CCDC92B: variants seen among roughly 807,000 people sequenced by gnomAD.
CCDC92B encodes the protein coiled-coil domain-containing 92B.
A neutral mutation model predicts 5.6 loss-of-function variants in CCDC92B; 2 were observed. The observed-to-expected ratio is 0.36, with a 90% CI of 0.15 to 1.12. The LOEUF (loss-of-function observed/expected upper bound fraction) is 1.12. Among genes scored for constraint, CCDC92B ranks in the 50% most tolerant of loss-of-function variants. The pLI, the probability that CCDC92B is intolerant of heterozygous loss-of-function variation, is 0.40. For missense variants in CCDC92B, 271 were observed against 262.2 expected (o/e 1.03, Z -0.23); for synonymous variants, 115 against 122.3 (o/e 0.94, Z 0.39).
intron 2 of CCDC92B, among the ~76,000 whole-genome samples, chr17:2,731,893 T>C (rs2070798261): frequency 6.6e-6 from 1 of 152,224 alleles, no homozygotes; most frequent in African/African-American, 2.4e-5. Flanking sequence ...CTTCAGCCTT[T>C]CAACACAGGA....
At chr17:2,746,726 A>C (rs2070991125) in intron 1 of CCDC92B, among the ~76,000 whole-genome samples, 2 of 152,078 alleles carry the variant, frequency 1.3e-5, no homozygotes, top group African/African-American at 4.8e-5. Flanking sequence ...GCTGGAGTGC[A>C]GTGGCTCGAT....
intron 1 of CCDC92B, among the ~76,000 whole-genome samples, chr17:2,735,890 G>T (rs1386522439): frequency 6.6e-6 from 1 of 152,150 alleles, no homozygotes; most frequent in Non-Finnish European, 1.5e-5. Context: ...GTTTCTCAGG[G>T]GTAAAATGAG....
intron 1 of CCDC92B, among the ~76,000 whole-genome samples, chr17:2,747,393 G>A (rs939417336): frequency 1.3e-5 from 2 of 152,036 alleles, no homozygotes; most frequent in African/African-American, 4.8e-5. Flanking sequence ...TAGTCAGCGC[G>A]GGTATATTAG....
In CCDC92B at chr17:2,724,520, A is replaced by C; in HGVS notation, c.659T>G (p.Leu220Arg). Residue 220 changes from leucine (L) to arginine (R), a missense_variant, in exon 4 of 4, where the codon CTG (leucine) becomes CGG (arginine). Coordinates refer to ENST00000614400, the MANE Select transcript of CCDC92B (RefSeq NM_001355573.2). This position sits in a 1 kb window ranked among gnomAD's most constrained non-coding sequence, Gnocchi z 5.0. The part of the protein sequence containing the change: ...PALFLYARRP[L>R]RPSARSPRQP... ...GCGCGGGCTGCGGGCGCTGGGCCGC[A>C]GCGGCCTGCGTGCATAGAGGAAGAG... 1.0e-6 allele frequency: 1 copy of C among 982,236 alleles called. No homozygotes were observed. The highest frequency in any genetic ancestry group is 1.2e-6 in the Non-Finnish European group (1 of 828,744). 60.8% of individuals were successfully genotyped at this position (982,236 alleles called of 1,614,324 possible).
chr17:2,741,485 T>C (rs1057230470), intron 1 of CCDC92B, among the ~76,000 whole-genome samples: 8 of 141,584 alleles, frequency 5.7e-5, no homozygotes, highest in African/African-American at 2.3e-4. Context: ...GAGACCAGCC[T>C]GGCCAACATG....
chr17:2,731,179 A>G (rs1419872827), intron 2 of CCDC92B, among the ~76,000 whole-genome samples: 8 of 152,152 alleles, frequency 5.3e-5, no homozygotes, highest in Non-Finnish European at 1.2e-4. Flanking sequence ...CGGGCAGCCT[A>G]GGAGCCACTC....
intron 2 of CCDC92B, among the ~76,000 whole-genome samples, chr17:2,733,921 G>A (rs1000528403): frequency 1.3e-5 from 2 of 151,328 alleles, no homozygotes; most frequent in East Asian, 2.0e-4. Context: ...ACCACGCCTG[G>A]CTAATTTTTT....
intron 2 of CCDC92B, among the ~76,000 whole-genome samples, chr17:2,731,018 A>G (rs943064996): frequency 1.3e-5 from 2 of 152,228 alleles, no homozygotes; most frequent in Non-Finnish European, 2.9e-5. Flanking sequence ...TTTGACAGCC[A>G]GTACCGCTGA....
chr17:2,727,428 C>T (rs759561387), intron 3 of CCDC92B, among the ~76,000 whole-genome samples: 11 of 152,208 alleles, frequency 7.2e-5, no homozygotes, highest in East Asian at 1.9e-4. Flanking sequence ...AGCTCCATCT[C>T]GGCAGGACCA....
chr17:2,725,970 T>C (rs1293608565), intron 3 of CCDC92B, among the ~76,000 whole-genome samples: 2 of 146,818 alleles, frequency 1.4e-5, no homozygotes, highest in African/African-American at 5.0e-5. Context: ...GTTTCCTCCA[T>C]AGGGCATTTT....
chr17:2,727,062 TGTAGAGATGAG>T (rs770152789), intron 3 of CCDC92B, among the ~76,000 whole-genome samples: 16 of 151,890 alleles, frequency 1.1e-4, no homozygotes, highest in Non-Finnish European at 2.4e-4. Flanking sequence ...GCACATTTTT[TGTAGAGATGAG>T]GTTTTGCCAT....
In CCDC92B at chr17:2,723,847, T is replaced by A. The variant is rs2070687653; in HGVS notation, c.*564A>T. ...CTCTGGGAGGACGTGTCTTCTAAAG[T>A]GTTCCGTGCTCACCTGCAAGGACCT... On this transcript the variant is annotated 3_prime_UTR_variant, in exon 4 of 4. Coordinates refer to ENST00000614400, the MANE Select transcript of CCDC92B (RefSeq NM_001355573.2). 1 of 564,184 alleles carries A rather than the reference T, an allele frequency of 1.8e-6. No individual in the cohort carries two copies. Among genetic ancestry groups the A allele is most frequent in the African/African-American group, 2.0e-5 (1 of 49,250 alleles). The allele number at this position is 564,184 out of a possible 1,614,324, so 34.9% of individuals were successfully genotyped here.
At chr17:2,736,730 T>A (rs1419188427) in intron 1 of CCDC92B, among the ~76,000 whole-genome samples, 1 of 151,244 alleles carries the variant, frequency 6.6e-6, no homozygotes, top group Non-Finnish European at 1.5e-5. Flanking sequence ...ATACAAAAAA[T>A]TAGCTGGGCG....
chr17:2,736,046 G>C (rs1002210984), intron 1 of CCDC92B, among the ~76,000 whole-genome samples: 4 of 152,182 alleles, frequency 2.6e-5, no homozygotes, highest in African/African-American at 9.7e-5. Flanking sequence ...AGGGCTCCAG[G>C]CTCCTCCAAG....
chr17:2,725,988 C>CTTTTT (rs565583381), intron 3 of CCDC92B, among the ~76,000 whole-genome samples: 12 of 78,256 alleles, frequency 1.5e-4, no homozygotes, highest in South Asian at 5.2e-4. Context: ...TTTATCACGT[C>CTTTTT]TTTTTTTTTT....
intron 1 of CCDC92B, among the ~76,000 whole-genome samples, chr17:2,742,490 T>C (rs538984618): frequency 6.6e-6 from 1 of 152,076 alleles, no homozygotes; most frequent in South Asian, 2.1e-4. Context: ...TGGAGATGGA[T>C]TGGATTAATT....
intron 2 of CCDC92B, among the ~76,000 whole-genome samples, chr17:2,734,032 T>A (rs974082831): frequency 4.6e-5 from 7 of 152,078 alleles, no homozygotes; most frequent in Non-Finnish European, 1.0e-4. Context: ...AGTGCTGGGA[T>A]TACAGGTGTG....
At chr17:2,736,576 G>A (rs565195544) in intron 1 of CCDC92B, among the ~76,000 whole-genome samples, 4 of 151,592 alleles carry the variant, frequency 2.6e-5, no homozygotes, top group African/African-American at 7.3e-5. Context: ...GTGAGATCTC[G>A]TCTCTAAAAA....
At chr17:2,725,442 C>T (rs2070717395) in intron 3 of CCDC92B, among the ~76,000 whole-genome samples, 2 of 151,774 alleles carry the variant, frequency 1.3e-5, no homozygotes. Flanking sequence ...CCCACCTGCA[C>T]GTCCTACCGC....
Sources: gnomAD v4.1 joint callset for allele counts (sites outside exome capture counted in the v4.1 genomes callset) on GRCh38, gnomAD v4.1.1 for gene constraint, Gnocchi (gnomAD v3.1) non-coding constraint, MANE v1.5 for transcripts, NCBI Gene and HGNC (gene_info 2026-07-23, HGNC 2026-07-21) for gene names.